REDIC1: variants seen among roughly 807,000 people sequenced by gnomAD.
REDIC1 encodes regulator of DNA class I crossover intermediates 1, also known as HEI10 Interacting Protein 1.
chr12:39,834,059 G>C, the REDIC1 span, among the ~76,000 whole-genome samples: 6,632 of 151,944 alleles, frequency 0.044, 442 homozygotes, highest in African/African-American at 0.15. Flanking sequence ...GTACCCTTTT[G>C]TTCTCCACTC....
chr12:39,675,520 G>T, the REDIC1 span, among the ~76,000 whole-genome samples: 2 of 152,156 alleles, frequency 1.3e-5, no homozygotes, highest in African/African-American at 4.8e-5. Context: ...GTCCATTATA[G>T]CAACTCAGAA....
the REDIC1 span, among the ~76,000 whole-genome samples, chr12:39,711,862 TATACAC>T: frequency 0.72 from 56,181 of 77,902 alleles, 20,128 homozygotes; most frequent in Non-Finnish European, 0.79. Flanking sequence ...TGTGTATGTG[TATACAC>T]GTATACACAT....
chr12:39,799,102 C>T, the REDIC1 span, among the ~76,000 whole-genome samples: 5 of 132,080 alleles, frequency 3.8e-5, no homozygotes, highest in East Asian at 2.4e-4. Context: ...TTTTTAGACT[C>T]AGAGTCTCAC....
chr12:39,669,476 T>A, the REDIC1 span, among the ~76,000 whole-genome samples: 1 of 152,192 alleles, frequency 6.6e-6, no homozygotes. Context: ...GGGGGGTGCA[T>A]CCCAGTTAGG....
At chr12:39,830,553 C>T in the REDIC1 span, 1 of 965,426 alleles carries the variant, frequency 1.0e-6, no homozygotes, top group Non-Finnish European at 1.3e-6. Context: ...AGATTTGTTA[C>T]CAAACTGTAG....
At chr12:39,758,569 A>G in the REDIC1 span, 1 of 152,026 alleles carries the variant, frequency 6.6e-6, no homozygotes, top group African/African-American at 2.4e-5. Context: ...TACATACTAT[A>G]TAGTTCTTAA....
the REDIC1 span, among the ~76,000 whole-genome samples, chr12:39,635,528 C>T: frequency 1.3e-5 from 2 of 150,708 alleles, no homozygotes; most frequent in Admixed American, 1.3e-4. Context: ...TCATTCTCAG[C>T]AAACTATCAC....
chr12:39,652,378 G>A, the REDIC1 span, among the ~76,000 whole-genome samples: 11 of 152,042 alleles, frequency 7.2e-5, no homozygotes, highest in African/African-American at 1.4e-4. Context: ...ACATTGCAGC[G>A]CATCCTTGTC....
the REDIC1 span, among the ~76,000 whole-genome samples, chr12:39,857,855 A>G: frequency 6.6e-6 from 1 of 152,156 alleles, no homozygotes; most frequent in Non-Finnish European, 1.5e-5. Context: ...ACATTCCCTG[A>G]TATTCCCTCT....
At chr12:39,702,672 G>C in the REDIC1 span, among the ~76,000 whole-genome samples, 1 of 152,168 alleles carries the variant, frequency 6.6e-6, no homozygotes, top group Non-Finnish European at 1.5e-5. Flanking sequence ...GAACATTGAT[G>C]CAAAAATCCT....
chr12:39,906,984 C>G, the REDIC1 span, among the ~76,000 whole-genome samples: 1 of 152,044 alleles, frequency 6.6e-6, no homozygotes, highest in Non-Finnish European at 1.5e-5. Flanking sequence ...ATTTTTGTCT[C>G]TTAGATTTTT....
the REDIC1 span, among the ~76,000 whole-genome samples, chr12:39,847,236 T>C: frequency 6.6e-6 from 1 of 152,156 alleles, no homozygotes; most frequent in Non-Finnish European, 1.5e-5. Flanking sequence ...AAAATTAACA[T>C]ATCCCCTAGC....
the REDIC1 span, among the ~76,000 whole-genome samples, chr12:39,745,562 T>A: frequency 1.3e-5 from 2 of 152,252 alleles, no homozygotes; most frequent in Middle Eastern, 3.4e-3. Flanking sequence ...ACATAACGAG[T>A]GTGTTATTTT....
chr12:39,678,489 C>T, the REDIC1 span, among the ~76,000 whole-genome samples: 605 of 151,988 alleles, frequency 4.0e-3, 4 homozygotes, highest in African/African-American at 0.014. Context: ...GATGGATTCA[C>T]GCTGAATTTT....
At chr12:39,749,563 C>A in the REDIC1 span, among the ~76,000 whole-genome samples, 1 of 152,210 alleles carries the variant, frequency 6.6e-6, no homozygotes, top group African/African-American at 2.4e-5. Context: ...CTCCCTAACT[C>A]ATTTTATGAG....
the REDIC1 span, among the ~76,000 whole-genome samples, chr12:39,887,237 A>G: frequency 6.6e-6 from 1 of 152,234 alleles, no homozygotes; most frequent in Non-Finnish European, 1.5e-5. Flanking sequence ...TGTCACTAGT[A>G]GTGAAATTCA....
the REDIC1 span, among the ~76,000 whole-genome samples, chr12:39,762,331 T>C: frequency 1.3e-5 from 2 of 152,106 alleles, no homozygotes; most frequent in Non-Finnish European, 2.9e-5. Flanking sequence ...TCCTCACCTT[T>C]ATTCTTCTAA....
At chr12:39,703,245 A>G in the REDIC1 span, among the ~76,000 whole-genome samples, 6 of 151,370 alleles carry the variant, frequency 4.0e-5, no homozygotes, top group Non-Finnish European at 7.4e-5. Context: ...GTCTCAGGAT[A>G]CAAAATCAAT....
the REDIC1 span, among the ~76,000 whole-genome samples, chr12:39,636,922 T>C: frequency 6.6e-6 from 1 of 152,002 alleles, no homozygotes; most frequent in Admixed American, 6.6e-5. Flanking sequence ...TTTGTGTCTT[T>C]TTAATTTTTT....
Sources: gnomAD v4.1 joint callset for allele counts (sites outside exome capture counted in the v4.1 genomes callset) on GRCh38, gnomAD v4.1.1 for gene constraint, MANE v1.5 for transcripts, NCBI Gene and HGNC (gene_info 2026-07-23, HGNC 2026-07-21) for gene names.